Variants in FSHR observed in about 807,000 individuals in gnomAD.
The protein encoded by FSHR is follicle-stimulating hormone receptor.
Under a neutral mutation model 52.1 loss-of-function variants are expected in FSHR, and 46 were observed. The ratio of observed to expected loss-of-function variants is 0.88; its 90% CI spans 0.70 to 1.13. FSHR has a LOEUF of 1.13. Ranked by LOEUF, FSHR falls within the 50% of genes most tolerant of loss-of-function variation. The pLI is 0.00. For synonymous variants in FSHR, 399 were observed against 309.6 expected (o/e 1.29, Z -3.03); for missense variants, 964 against 834.6 (o/e 1.16, Z -1.91).
In FSHR at chr2:48,963,136, A is replaced by C; in HGVS notation, c.1685T>G (p.Val562Gly). ...IYLTVRNPNI[V>G]SSSSDTRIAK... Reference sequence around the variant, plus strand: ...GATCCTGGTGTCACTAGAGGAGGACACGATGTTGGGGTTCCGCACTGTGAG... The same window carrying C: ...GATCCTGGTGTCACTAGAGGAGGACCCGATGTTGGGGTTCCGCACTGTGAG... The change falls in exon 10 of 10, where the codon GTG (valine) becomes GGG (glycine). Residue 562 changes from valine to glycine, a missense_variant. Val to Gly is a moderately radical substitution (Grantham distance 109). Transcript: ENST00000406846. 2 of 1,614,126 alleles carry C rather than the reference A, an allele frequency of 1.2e-6. No individual in the cohort carries two copies. Among genetic ancestry groups the C allele is most frequent in the South Asian group, 2.2e-5 (2 of 91,074 alleles).
In FSHR at chr2:49,092,186, C is replaced by T. The variant is rs556188757; in HGVS notation, c.153-23896G>A. Among the ~76,000 whole-genome samples the T allele has an allele frequency of 2.6e-5, 4 of 152,276 alleles. No homozygotes were observed. In the South Asian group the frequency reaches 8.3e-4, roughly 32 times the overall value. On this transcript the variant is annotated intron_variant, in intron 1 of 9. Coordinates refer to ENST00000406846, the MANE Select transcript of FSHR (RefSeq NM_000145.4). ...TTTCTAATTGTTCGCTGCTAAATTACAAATAAAAAGAATTTTTACATGTTG... is the reference window on the plus strand; with the variant it reads ...TTTCTAATTGTTCGCTGCTAAATTATAAATAAAAAGAATTTTTACATGTTG...
intron 1 of FSHR, among the ~76,000 whole-genome samples, chr2:49,088,518 C>T (rs1425557385): frequency 6.6e-6 from 1 of 152,218 alleles, no homozygotes; most frequent in African/African-American, 2.4e-5. Context: ...TACTTTTGCT[C>T]TGTCAGTGTG....
rs530696131 is a variant in FSHR, at chr2:49,125,958, T to C, written c.152+28308A>G. On this transcript the variant is annotated intron_variant, in intron 1 of 9. Coordinates refer to ENST00000406846, the MANE Select transcript of FSHR (RefSeq NM_000145.4). ...GTCTAGAGGGCAAACTGTCCATAAA[T>C]AGACACTGGGTCTTCTAGCTTACTC... Among the ~76,000 whole-genome samples, 10 of 152,284 alleles carry C rather than the reference T, an allele frequency of 6.6e-5. No individual in the cohort carries two copies. In the South Asian group the frequency reaches 1.9e-3, roughly 28 times the overall value.
At chr2:48,999,128 G>A (rs1035153583) in intron 4 of FSHR, among the ~76,000 whole-genome samples, 2 of 152,050 alleles carry the variant, frequency 1.3e-5, no homozygotes, top group Non-Finnish European at 2.9e-5. Flanking sequence ...GAGCTGCCAG[G>A]TGGAAATGGT....
At chr2:49,100,396 A>G in intron 1 of FSHR, among the ~76,000 whole-genome samples, 1 of 152,208 alleles carries the variant, frequency 6.6e-6, no homozygotes, top group Non-Finnish European at 1.5e-5. Context: ...TGATTTCTTC[A>G]ATTTAAATAA....
intron 2 of FSHR, among the ~76,000 whole-genome samples, chr2:49,060,587 G>A (rs1669250603): frequency 6.6e-6 from 1 of 152,138 alleles, no homozygotes. Flanking sequence ...GTGGCACATT[G>A]CCCCTGGGAA....
In FSHR at chr2:49,020,164, T is replaced by G; in HGVS notation, c.225-4A>C. 6.2e-7 allele frequency: 1 copy of G among 1,611,630 alleles called. No homozygotes were observed. The highest frequency in any genetic ancestry group is 8.5e-7 in the Non-Finnish European group (1 of 1,177,842). On this transcript the variant is annotated splice_region_variant and splice_polypyrimidine_tract_variant and intron_variant, in intron 2 of 9. Coordinates refer to ENST00000406846, the MANE Select transcript of FSHR (RefSeq NM_000145.4). The stretch of plus-strand genomic sequence containing the variant: ...GACATCATTCTGAGAGATCTCTCTG[T>G]GGAGAAAAAAATATATAAGTCAAGC...
chr2:49,143,629 G>A (rs895720097), intron 1 of FSHR, among the ~76,000 whole-genome samples: 6 of 152,100 alleles, frequency 3.9e-5, no homozygotes, highest in African/African-American at 1.2e-4. Context: ...TTTTTTAAAT[G>A]AATAAAGCAA....
At chr2:49,117,845 C>T (rs1455121022) in intron 1 of FSHR, among the ~76,000 whole-genome samples, 2 of 152,120 alleles carry the variant, frequency 1.3e-5, no homozygotes, top group Non-Finnish European at 2.9e-5. Context: ...TTTGTATGTA[C>T]CTCCATAAGC....
chr2:48,991,401 G>A (rs1295648988), intron 4 of FSHR, among the ~76,000 whole-genome samples: 1 of 151,860 alleles, frequency 6.6e-6, no homozygotes, highest in African/African-American at 2.4e-5. Context: ...ACTTGAGTTA[G>A]GATATTTAAA....
intron 6 of FSHR, among the ~76,000 whole-genome samples, chr2:48,986,553 GAAC>G (rs1040510577): frequency 7.9e-5 from 12 of 152,110 alleles, no homozygotes; most frequent in African/African-American, 2.9e-4. Flanking sequence ...GCCAAAATAA[GAAC>G]AATAGAAATT....
intron 1 of FSHR, among the ~76,000 whole-genome samples, chr2:49,088,584 G>A (rs928476673): frequency 1.6e-4 from 24 of 152,266 alleles, no homozygotes; most frequent in Admixed American, 8.5e-4. Context: ...AATGACAAAC[G>A]CATTGTGCCT....
chr2:49,035,177 T>C (rs1006246482), intron 2 of FSHR, among the ~76,000 whole-genome samples: 2 of 152,222 alleles, frequency 1.3e-5, no homozygotes, highest in Admixed American at 1.3e-4. Flanking sequence ...CCATGTTCTT[T>C]ATTGCTGCTG....
At chr2:49,119,712 G>T (rs758668988) in intron 1 of FSHR, among the ~76,000 whole-genome samples, 4 of 152,136 alleles carry the variant, frequency 2.6e-5, no homozygotes, top group Non-Finnish European at 4.4e-5. Flanking sequence ...CAGTGGTTAT[G>T]ATTGCAATTT....
chr2:49,073,862 T>C (rs1669847394), intron 1 of FSHR, among the ~76,000 whole-genome samples: 1 of 151,908 alleles, frequency 6.6e-6, no homozygotes, highest in Non-Finnish European at 1.5e-5. Flanking sequence ...AAGAACAGAC[T>C]AGAGAACCCA....
intron 2 of FSHR, among the ~76,000 whole-genome samples, chr2:49,040,970 G>A (rs984369809): frequency 3.9e-5 from 6 of 152,188 alleles, no homozygotes; most frequent in African/African-American, 1.4e-4. Context: ...ATAGGAATGG[G>A]ATAGATGGTT....
chr2:49,127,738 T>TTTC (rs137939058), intron 1 of FSHR, among the ~76,000 whole-genome samples: 7 of 126,126 alleles, frequency 5.6e-5, no homozygotes, highest in Non-Finnish European at 1.1e-4. Flanking sequence ...TTGTGCATGA[T>TTTC]TTCTTCTTCT....
At chr2:49,055,282 C>G (rs1293869443) in intron 2 of FSHR, among the ~76,000 whole-genome samples, 1 of 150,476 alleles carries the variant, frequency 6.6e-6, no homozygotes, top group African/African-American at 2.4e-5. Context: ...ATTGACCAAG[C>G]AGAAGAAAAA....
intron 2 of FSHR, among the ~76,000 whole-genome samples, chr2:49,038,453 C>G (rs1572665333): frequency 6.6e-6 from 1 of 151,548 alleles, no homozygotes; most frequent in East Asian, 1.9e-4. Context: ...AACCCCGTCT[C>G]TACTAAAAAA....
Sources: allele counts gnomAD v4.1 joint callset (sites outside exome capture counted in the v4.1 genomes callset), GRCh38; gene constraint gnomAD v4.1.1; transcripts MANE v1.5; gene names NCBI Gene and HGNC (gene_info 2026-07-23, HGNC 2026-07-21).